The following COL22A1 variants were observed in gnomAD, a reference collection of about 807,000 sequenced individuals.
COL22A1 encodes the protein collagen type XXII alpha 1 chain.
COL22A1 carries 221 observed loss-of-function variants against 248.9 expected under a neutral mutation model. The ratio of observed to expected loss-of-function variants is 0.89; its 90% CI spans 0.80 to 0.99. The LOEUF is 0.99. Ranked by LOEUF, COL22A1 falls within the 50% of genes least tolerant of loss-of-function variation. The pLI, the probability that COL22A1 is intolerant of heterozygous loss-of-function variation, is 0.00. For missense variants in COL22A1, 2,240 were observed against 2,179.0 expected, an observed-to-expected ratio of 1.03 and a Z score of -0.56; for synonymous variants, 891 against 793.4, an observed-to-expected ratio of 1.12 and a Z score of -2.07.
intron 3 of COL22A1, among the ~76,000 whole-genome samples, chr8:138,851,579 C>T (rs1821649648): frequency 6.6e-6 from 1 of 152,178 alleles, no homozygotes; most frequent in Non-Finnish European, 1.5e-5. Context: ...CTTTCCCTCC[C>T]AGGGAATGGC....
At chr8:138,723,284 C>G (rs1375300615) in intron 25 of COL22A1, among the ~76,000 whole-genome samples, 1 of 152,084 alleles carries the variant, frequency 6.6e-6, no homozygotes, top group Non-Finnish European at 1.5e-5. Context: ...GGACTGGCGA[C>G]TAGTGAAAAG....
chr8:138,790,918 G>A (rs559077400), intron 12 of COL22A1, among the ~76,000 whole-genome samples: 25 of 152,164 alleles, frequency 1.6e-4, no homozygotes, highest in African/African-American at 6.0e-4. Flanking sequence ...ACCCCCATTT[G>A]CTGTCCCTGC....
intron 2 of COL22A1, among the ~76,000 whole-genome samples, chr8:138,882,785 A>C (rs1824334789): frequency 6.7e-6 from 1 of 149,440 alleles, no homozygotes; most frequent in Admixed American, 6.6e-5. Context: ...TCAAACTCCC[A>C]CACACAGTCC....
chr8:138,656,405 G>A (rs930256956), intron 44 of COL22A1, among the ~76,000 whole-genome samples: 1 of 152,158 alleles, frequency 6.6e-6, no homozygotes, highest in Non-Finnish European at 1.5e-5. Flanking sequence ...GCTCTCCCAG[G>A]TGAAACAGCA....
At chr8:138,763,131 C>G (rs891373252) in intron 16 of COL22A1, among the ~76,000 whole-genome samples, 1 of 152,138 alleles carries the variant, frequency 6.6e-6, no homozygotes, top group East Asian at 1.9e-4. Flanking sequence ...TCACACCTGT[C>G]ATCCCAGCAC....
chr8:138,626,344 T>A, intron 50 of COL22A1, 101 bp from the exon 51 acceptor site: 3 of 949,094 alleles, frequency 3.2e-6, no homozygotes. Context: ...GGGGAGTGAG[T>A]GTTTGGTGAG....
At chr8:138,909,457 CCAGCT>C (rs1815282770) in intron 1 of COL22A1, among the ~76,000 whole-genome samples, 1 of 151,750 alleles carries the variant, frequency 6.6e-6, no homozygotes, top group Non-Finnish European at 1.5e-5. Context: ...GCAGGCGAGG[CCAGCT>C]CCAATTGGCC....
chr8:138,623,980 A>T (rs1358971968), intron 51 of COL22A1, among the ~76,000 whole-genome samples, 195 bp from the exon 52 acceptor site: 2 of 152,092 alleles, frequency 1.3e-5, no homozygotes, highest in Non-Finnish European at 2.9e-5. Flanking sequence ...CCAGCTGTGG[A>T]TCTCTGACTT....
At chr8:138,672,014 AG>A (rs1825076351) in intron 41 of COL22A1, among the ~76,000 whole-genome samples, 1 of 152,176 alleles carries the variant, frequency 6.6e-6, no homozygotes, top group African/African-American at 2.4e-5. Context: ...GATAGTCAAA[AG>A]TTATACTCAA....
chr8:138,718,463 C>A (rs546661582), intron 27 of COL22A1, among the ~76,000 whole-genome samples: 20 of 152,282 alleles, frequency 1.3e-4, no homozygotes, highest in African/African-American at 4.3e-4. Flanking sequence ...GTCGTGAACA[C>A]CAATCCAAAG....
chr8:138,890,794 C>A (rs1367828497), intron 1 of COL22A1, among the ~76,000 whole-genome samples: 2 of 151,972 alleles, frequency 1.3e-5, no homozygotes, highest in Non-Finnish European at 2.9e-5. Context: ...AGGCAGATTG[C>A]CTGAGCTCAG....
At chr8:138,606,495 C>G in intron 57 of COL22A1, 43 bp from the exon 58 acceptor site, 4 of 1,586,680 alleles carry the variant, frequency 2.5e-6, no homozygotes, top group Non-Finnish European at 3.4e-6. Flanking sequence ...AGGTCACGTA[C>G]CAACTCAAGC....
chr8:138,667,824 A>G (rs1424764323), intron 41 of COL22A1, among the ~76,000 whole-genome samples: 1 of 152,224 alleles, frequency 6.6e-6, no homozygotes, highest in African/African-American at 2.4e-5. Flanking sequence ...TCCACCAGAC[A>G]TCATGTGCCT....
chr8:138,595,802 C>T (rs1331982500), intron 62 of COL22A1, among the ~76,000 whole-genome samples: 4 of 152,144 alleles, frequency 2.6e-5, no homozygotes, highest in South Asian at 4.1e-4. Context: ...TGTGAATAAA[C>T]GTGCCCTCCC....
At chr8:138,625,383 G>A (rs1820153556) in intron 51 of COL22A1, among the ~76,000 whole-genome samples, 1 of 152,092 alleles carries the variant, frequency 6.6e-6, no homozygotes, top group African/African-American at 2.4e-5. Flanking sequence ...GCAGGGTTGG[G>A]GGACTGTAGA....
intron 47 of COL22A1, among the ~76,000 whole-genome samples, chr8:138,641,896 T>C (rs1006701226): frequency 1.3e-5 from 2 of 152,290 alleles, no homozygotes; most frequent in Admixed American, 1.3e-4. Context: ...GTTTGATAAA[T>C]GAAGTTGAAC....
intron 3 of COL22A1, among the ~76,000 whole-genome samples, chr8:138,846,112 A>G (rs1253321163): frequency 6.6e-6 from 1 of 152,168 alleles, no homozygotes; most frequent in Non-Finnish European, 1.5e-5. Flanking sequence ...AAACAGTACC[A>G]AGCTGTCTGT....
chr8:138,849,347 T>C (rs990964632), intron 3 of COL22A1, among the ~76,000 whole-genome samples: 4 of 152,206 alleles, frequency 2.6e-5, no homozygotes, highest in Admixed American at 2.0e-4. Flanking sequence ...GCATGTTGAA[T>C]ACATTAACAC....
intron 39 of COL22A1, among the ~76,000 whole-genome samples, chr8:138,682,114 T>C (rs989763169): frequency 6.6e-6 from 1 of 152,152 alleles, no homozygotes. Flanking sequence ...GTTGTTGAGA[T>C]ACCAAAGGTG....
Sources: allele counts gnomAD v4.1 joint callset (sites outside exome capture counted in the v4.1 genomes callset), GRCh38; gene constraint gnomAD v4.1.1; transcripts MANE v1.5; gene names NCBI Gene and HGNC (gene_info 2026-07-23, HGNC 2026-07-21).